PPIP5K2: variants seen among roughly 807,000 people sequenced by gnomAD.
PPIP5K2 encodes diphosphoinositol pentakisphosphate kinase 2.
PPIP5K2 carries 105 observed loss-of-function variants against 154.6 expected under a neutral mutation model. That is an observed-to-expected ratio of 0.68 (90% CI 0.58 to 0.80). The LOEUF (loss-of-function observed/expected upper bound fraction) is 0.80. Among genes scored for constraint, PPIP5K2 ranks in the 30% least tolerant of loss-of-function variants. The pLI is 0.00. For synonymous variants in PPIP5K2, 480 were observed against 490.3 expected, an observed-to-expected ratio of 0.98 and a Z score of 0.28; for missense variants, 992 against 1,504.6, an observed-to-expected ratio of 0.66 and a Z score of 5.64.
At chr5:103,152,248 TTTG>T (rs1426398196) in intron 9 of PPIP5K2, among the ~76,000 whole-genome samples, 1 of 151,920 alleles carries the variant, frequency 6.6e-6, no homozygotes, top group Non-Finnish European at 1.5e-5. Flanking sequence ...ATAGTAGTGA[TTTG>T]TTAAGATGAA....
chr5:103,176,743 G>A, intron 21 of PPIP5K2: 1 of 539,786 alleles, frequency 1.9e-6, no homozygotes, highest in Admixed American at 3.5e-5. Flanking sequence ...GTTAACTGTT[G>A]ACTATAGACT....
chr5:103,151,020 T>C (rs1794570746), intron 8 of PPIP5K2, among the ~76,000 whole-genome samples: 1 of 152,014 alleles, frequency 6.6e-6, no homozygotes, highest in Non-Finnish European at 1.5e-5. Context: ...GTTATTGTTG[T>C]ACATCTACTT....
chr5:103,149,076 ATTTGTT>A, intron 7 of PPIP5K2, 70 bp from the exon 8 acceptor site: 6 of 1,122,326 alleles, frequency 5.3e-6, no homozygotes, highest in Non-Finnish European at 7.1e-6. Flanking sequence ...TTTTCATTGT[ATTTGTT>A]GTCTGTTGGT....
intron 29 of PPIP5K2, among the ~76,000 whole-genome samples, chr5:103,193,851 T>C (rs1264549188): frequency 1.3e-5 from 2 of 152,124 alleles, no homozygotes; most frequent in East Asian, 3.9e-4. Context: ...TGTCTCCTTC[T>C]CCCCTACTTT....
At chr5:103,156,263 T>A (rs1335115330) in intron 14 of PPIP5K2, among the ~76,000 whole-genome samples, 1 of 152,210 alleles carries the variant, frequency 6.6e-6, no homozygotes, top group Admixed American at 6.5e-5. Flanking sequence ...GGAAAACTTA[T>A]TTGTTTATAA....
intron 14 of PPIP5K2, among the ~76,000 whole-genome samples, chr5:103,156,273 A>G (rs536676244): frequency 6.6e-6 from 1 of 152,294 alleles, no homozygotes; most frequent in South Asian, 2.1e-4. Context: ...TTTGTTTATA[A>G]CTAAGTGTTA....
intron 4 of PPIP5K2, among the ~76,000 whole-genome samples, chr5:103,137,107 C>T (rs1791634055): frequency 6.6e-6 from 1 of 151,960 alleles, no homozygotes; most frequent in African/African-American, 2.4e-5. Context: ...AACTTATGAG[C>T]ACTTTTTCTG....
chr5:103,126,888 T>TAC (rs1554200917), intron 1 of PPIP5K2, among the ~76,000 whole-genome samples: 1 of 152,026 alleles, frequency 6.6e-6, no homozygotes, highest in East Asian at 1.9e-4. Flanking sequence ...CCCTCACAGA[T>TAC]ACACCCATGA....
chr5:103,130,636 C>T (rs1369045018), intron 2 of PPIP5K2, among the ~76,000 whole-genome samples: 1 of 152,168 alleles, frequency 6.6e-6, no homozygotes, highest in Non-Finnish European at 1.5e-5. Context: ...TTGCTACCTC[C>T]TGCCCCTGAA....
intron 17 of PPIP5K2, 131 bp downstream of exon 17, chr5:103,159,459 A>G (rs782082283): frequency 7.0e-5 from 56 of 804,786 alleles, no homozygotes; most frequent in Non-Finnish European, 8.9e-5. Context: ...CCAGGTAAAG[A>G]AATAGAACAT....
rs1554231794 is a variant in PPIP5K2, at chr5:103,204,923, G to GT, written c.*3290dup. The GT allele has an allele frequency of 6.6e-6, 1 of 151,854 alleles. No individual in the cohort carries two copies. Among genetic ancestry groups the GT allele is most frequent in the Non-Finnish European group, 1.5e-5 (1 of 67,962 alleles). The allele number at this position is 151,854 out of a possible 1,614,324, so 9.4% of individuals were successfully genotyped here. A position where few individuals can be genotyped will look rare whatever the true frequency, so the allele number is the denominator to read the frequency against. ...CACAATGTGCAGGTTTGTTACATAG[G>GT]TATACATGTGCCATGTTGGTTTGCT... On this transcript the variant is annotated 3_prime_UTR_variant, in exon 31 of 31. Coordinates refer to ENST00000358359, the MANE Select transcript of PPIP5K2 (RefSeq NM_001276277.3).
At chr5:103,171,230 G>T (rs782123979) in intron 19 of PPIP5K2, among the ~76,000 whole-genome samples, 1 of 151,376 alleles carries the variant, frequency 6.6e-6, no homozygotes, top group Non-Finnish European at 1.5e-5. Flanking sequence ...GAAAATTGGG[G>T]CCCTGGTTTA....
At chr5:103,180,557 G>T (rs1213233232) in intron 24 of PPIP5K2, among the ~76,000 whole-genome samples, 1 of 151,782 alleles carries the variant, frequency 6.6e-6, no homozygotes, top group African/African-American at 2.4e-5. Flanking sequence ...AATAATTTTA[G>T]TTAGAGAGCA....
intron 8 of PPIP5K2, 63 bp from the exon 9 acceptor site, chr5:103,151,190 T>G: frequency 7.1e-7 from 1 of 1,406,684 alleles, no homozygotes; most frequent in Admixed American, 2.1e-5. Flanking sequence ...CTGATAGGAC[T>G]AGAAAACTGT....
rs1458060199 is a variant in PPIP5K2, at chr5:103,212,649, C to T, written c.*11015C>T. On this transcript the variant is annotated 3_prime_UTR_variant, in exon 31 of 31. Transcript: ENST00000358359. ...TTTTTCATAAAATGCTAATAGAATC[C>T]CAAAGGAAGTGTGTATTCTAAAATG... 6.6e-6 allele frequency: 1 copy of T among 150,972 alleles called. No individual in the cohort carries two copies. Among genetic ancestry groups the T allele is most frequent in the East Asian group, 1.9e-4 (1 of 5,162 alleles). The allele number at this position is 150,972 out of a possible 1,614,324, so 9.4% of individuals were successfully genotyped here.
chr5:103,162,454 C>T (rs555514044), intron 17 of PPIP5K2, among the ~76,000 whole-genome samples: 1 of 152,002 alleles, frequency 6.6e-6, no homozygotes, highest in Admixed American at 6.6e-5. Flanking sequence ...CCTGAAACCC[C>T]TGGGCTCAAG....
chr5:103,134,806 T>G (rs556631263), intron 3 of PPIP5K2, among the ~76,000 whole-genome samples: 46 of 152,318 alleles, frequency 3.0e-4, no homozygotes, highest in African/African-American at 1.1e-3. Flanking sequence ...AGGCTTCAAA[T>G]CATAGACATT....
chr5:103,159,356 GA>G, intron 17 of PPIP5K2, 28 bp downstream of exon 17: 6 of 1,532,170 alleles, frequency 3.9e-6, no homozygotes, highest in Non-Finnish European at 5.3e-6. Flanking sequence ...CTTATATTGT[GA>G]AATATTACAC....
chr5:103,180,865 A>AG (rs1409700122), intron 24 of PPIP5K2, among the ~76,000 whole-genome samples: 1 of 151,228 alleles, frequency 6.6e-6, no homozygotes, highest in Non-Finnish European at 1.5e-5. Context: ...AAAAAAAAAA[A>AG]GTAGAGAACA....
Sources: allele counts gnomAD v4.1 joint callset (sites outside exome capture counted in the v4.1 genomes callset), GRCh38; gene constraint gnomAD v4.1.1; transcripts MANE v1.5; gene names NCBI Gene and HGNC (gene_info 2026-07-23, HGNC 2026-07-21).